The following NELL1 variants were observed in gnomAD, a reference collection of about 807,000 sequenced individuals.
NELL1 encodes protein kinase C-binding protein NELL1.
Under a neutral mutation model 107.4 loss-of-function variants are expected in NELL1, and 76 were observed. That is an observed-to-expected ratio of 0.71 (90% confidence interval 0.59 to 0.86). NELL1 has a LOEUF of 0.86. Ranked by LOEUF, NELL1 falls within the 40% of genes least tolerant of loss-of-function variation. The pLI, the probability that NELL1 is intolerant of heterozygous loss-of-function variation, is 0.00. For missense variants in NELL1, 1,024 were observed against 1,005.5 expected (o/e 1.02, Z -0.25); for synonymous variants, 353 against 341.2 (o/e 1.03, Z -0.38).
intron 3 of NELL1, among the ~76,000 whole-genome samples, chr11:20,793,921 C>A (rs918569370): frequency 6.6e-6 from 1 of 151,990 alleles, no homozygotes. Context: ...TAATGGATTG[C>A]TTTTGAAAAT....
At chr11:21,456,648 A>T (rs947609450) in intron 15 of NELL1, among the ~76,000 whole-genome samples, 1 of 152,152 alleles carries the variant, frequency 6.6e-6, no homozygotes, top group Non-Finnish European at 1.5e-5. Flanking sequence ...ACAAATATTT[A>T]TTGAGAATCT....
intron 3 of NELL1, among the ~76,000 whole-genome samples, chr11:20,834,039 A>G (rs1848483687): frequency 1.3e-5 from 2 of 152,304 alleles, no homozygotes; most frequent in Middle Eastern, 6.8e-3. Context: ...AGAAGTCGAT[A>G]ATATGATTGG....
intron 3 of NELL1, among the ~76,000 whole-genome samples, chr11:20,806,516 T>G (rs1196923262): frequency 1.3e-5 from 2 of 152,168 alleles, no homozygotes; most frequent in Admixed American, 1.3e-4. Flanking sequence ...TGAGGTTGTC[T>G]TCTTTCAGTT....
intron 12 of NELL1, among the ~76,000 whole-genome samples, chr11:20,968,167 T>A (rs1046674635): frequency 4.6e-5 from 7 of 152,238 alleles, no homozygotes; most frequent in African/African-American, 1.7e-4. Flanking sequence ...TTTAATGTAT[T>A]TTCTTTGTAG....
chr11:21,377,835 A>G (rs539722849), intron 15 of NELL1, among the ~76,000 whole-genome samples: 1 of 152,172 alleles, frequency 6.6e-6, no homozygotes, highest in South Asian at 2.1e-4. Context: ...AGTGGTGTTC[A>G]TAATAGCCTG....
intron 14 of NELL1, among the ~76,000 whole-genome samples, chr11:21,329,589 A>G (rs986698599): frequency 1.3e-5 from 2 of 152,194 alleles, no homozygotes; most frequent in East Asian, 1.9e-4. Context: ...CATGAATTCT[A>G]TATACAGTAT....
chr11:20,793,667 GT>G (rs1229778604), intron 3 of NELL1, among the ~76,000 whole-genome samples: 1 of 152,078 alleles, frequency 6.6e-6, no homozygotes, highest in Non-Finnish European at 1.5e-5. Flanking sequence ...TTGCTATATA[GT>G]GTTTTTATTT....
At chr11:20,704,422 G>C (rs942563323) in intron 2 of NELL1, among the ~76,000 whole-genome samples, 1 of 152,144 alleles carries the variant, frequency 6.6e-6, no homozygotes, top group Non-Finnish European at 1.5e-5. Context: ...TGGGTCTCCT[G>C]AACACAGCAC....
intron 15 of NELL1, among the ~76,000 whole-genome samples, chr11:21,394,311 T>C (rs1011741199): frequency 2.6e-5 from 4 of 151,650 alleles, no homozygotes; most frequent in African/African-American, 9.7e-5. Context: ...TATATGTTTA[T>C]TTTCCCCAGC....
chr11:20,692,231 A>G (rs948750925), intron 2 of NELL1, among the ~76,000 whole-genome samples: 5 of 150,410 alleles, frequency 3.3e-5, no homozygotes, highest in African/African-American at 1.2e-4. Context: ...CTTTCAAAAA[A>G]CCAGCTCCTG....
chr11:21,130,504 T>C (rs1855591246), intron 13 of NELL1, among the ~76,000 whole-genome samples: 1 of 152,228 alleles, frequency 6.6e-6, no homozygotes, highest in East Asian at 1.9e-4. Context: ...GTCCCATGTC[T>C]GATAACAAGG....
chr11:20,927,953 C>T (rs560913632), intron 8 of NELL1, among the ~76,000 whole-genome samples: 3 of 152,138 alleles, frequency 2.0e-5, no homozygotes, highest in Non-Finnish European at 4.4e-5. Flanking sequence ...TACAACATCC[C>T]CCTCCAAAAA....
At chr11:21,220,560 T>C (rs1857730000) in intron 13 of NELL1, among the ~76,000 whole-genome samples, 1 of 152,170 alleles carries the variant, frequency 6.6e-6, no homozygotes, top group African/African-American at 2.4e-5. Context: ...TATCAATGTT[T>C]TGTAGTCTTT....
intron 13 of NELL1, among the ~76,000 whole-genome samples, chr11:21,203,207 T>C (rs1293307497): frequency 6.6e-6 from 1 of 152,154 alleles, no homozygotes; most frequent in Non-Finnish European, 1.5e-5. Context: ...ATCTGTCTAA[T>C]ATGGACAGTG....
chr11:21,463,349 G>A (rs1206223785), intron 15 of NELL1, among the ~76,000 whole-genome samples: 1 of 152,026 alleles, frequency 6.6e-6, no homozygotes, highest in Admixed American at 6.6e-5. Context: ...ATTAATATTC[G>A]ACCATATTGA....
intron 2 of NELL1, among the ~76,000 whole-genome samples, chr11:20,748,322 A>G (rs1056741907): frequency 6.6e-6 from 1 of 152,154 alleles, no homozygotes; most frequent in Non-Finnish European, 1.5e-5. Flanking sequence ...AATACCTCAT[A>G]TTCCCTCATG....
At chr11:21,471,918 ATTAT>A (rs1391811951) in intron 15 of NELL1, among the ~76,000 whole-genome samples, 2 of 152,068 alleles carry the variant, frequency 1.3e-5, no homozygotes, top group Non-Finnish European at 2.9e-5. Flanking sequence ...TAAAAATGAA[ATTAT>A]TTGTTTCACA....
intron 14 of NELL1, among the ~76,000 whole-genome samples, chr11:21,333,774 C>T (rs1193135441): frequency 6.6e-6 from 1 of 152,008 alleles, no homozygotes; most frequent in Non-Finnish European, 1.5e-5. Flanking sequence ...TGACTGCTGT[C>T]CCTGGCTTAT....
At position 21,106,104 on chromosome 11, in the gene NELL1, T is replaced by G. The variant is rs562408543; in HGVS notation, c.1301-7485T>G. ...CTATGTTTTGCTTGGTTCAAAATGT[T>G]TGGAGAAAAATATGAAGCCAATATT... is the stretch of plus-strand genomic sequence containing the variant. On this transcript the variant is annotated intron_variant, in intron 12 of 19. Coordinates refer to ENST00000357134, the MANE Select transcript of NELL1 (RefSeq NM_006157.5). Among the ~76,000 whole-genome samples the G allele has an allele frequency of 6.1e-4, 93 of 151,628 alleles. 1 individual carries two copies. The highest frequency in any genetic ancestry group is 2.1e-3 in the African/African-American group (88 of 41,292).
Sources: allele counts gnomAD v4.1 joint callset (sites outside exome capture counted in the v4.1 genomes callset), GRCh38; gene constraint gnomAD v4.1.1; transcripts MANE v1.5; gene names NCBI Gene and HGNC (gene_info 2026-07-23, HGNC 2026-07-21).